Variants in SLC26A7 observed in about 807,000 individuals in gnomAD.
SLC26A7 encodes the protein anion exchange transporter.
In SLC26A7, 59 loss-of-function variants were observed where a neutral mutation model predicts 82.5. The ratio of observed to expected loss-of-function variants is 0.72; its 90% CI spans 0.58 to 0.89. The LOEUF is 0.89. Among genes scored for constraint, SLC26A7 ranks in the 40% least tolerant of loss-of-function variants. SLC26A7 has a pLI of 0.00. For synonymous variants in SLC26A7, 271 were observed against 274.3 expected (o/e 0.99, Z 0.12); for missense variants, 820 against 793.0 (o/e 1.03, Z -0.41).
At chr8:91,358,648 C>T (rs1014683208) in intron 11 of SLC26A7, among the ~76,000 whole-genome samples, 21 of 152,146 alleles carry the variant, frequency 1.4e-4, no homozygotes, top group African/African-American at 1.9e-4. Flanking sequence ...ATGTTTGTTG[C>T]GGCACTACTC....
chr8:91,233,009 G>T lies in SLC26A7; in HGVS notation c.-34+14004G>T, dbSNP rs1303203874. Among the ~76,000 whole-genome samples the T allele has an allele frequency of 2.0e-5, 3 of 152,280 alleles. No homozygotes were observed. In the East Asian group the frequency reaches 5.8e-4, roughly 29 times the overall value. ...CATCAGGAGAATTGAATTATATTGG[G>T]AATACTTCCAAGTTGGTGGAGAATG... On this transcript the variant is annotated intron_variant, in intron 2 of 5. Transcript: ENST00000522862.
intron 9 of SLC26A7, among the ~76,000 whole-genome samples, chr8:91,348,093 C>T (rs1249204701): frequency 6.6e-6 from 1 of 152,232 alleles, no homozygotes; most frequent in Non-Finnish European, 1.5e-5. Context: ...CTGAAAACAA[C>T]AGCTGGCATG....
intron 15 of SLC26A7, among the ~76,000 whole-genome samples, chr8:91,383,233 A>C (rs7004145): frequency 0.014 from 2,065 of 152,290 alleles, 45 homozygotes; most frequent in African/African-American, 0.047. Context: ...AACTGTTTGG[A>C]AGTTGGAGTA....
At chr8:91,336,960 G>A (rs1018521328) in intron 6 of SLC26A7, among the ~76,000 whole-genome samples, 1 of 152,044 alleles carries the variant, frequency 6.6e-6, no homozygotes, top group African/African-American at 2.4e-5. Flanking sequence ...ATTGGCGTAG[G>A]AATTTTTAAG....
At chr8:91,229,745 C>A (rs183039710) in intron 2 of SLC26A7, among the ~76,000 whole-genome samples, 300 of 152,196 alleles carry the variant, frequency 2.0e-3, no homozygotes, top group Non-Finnish European at 3.7e-3. Context: ...GCCACCACCC[C>A]AAAAAATGTT....
intron 9 of SLC26A7, among the ~76,000 whole-genome samples, chr8:91,351,318 A>G (rs563385963): frequency 6.6e-6 from 1 of 152,238 alleles, no homozygotes; most frequent in African/African-American, 2.4e-5. Context: ...CTACTCCACA[A>G]CTTGAGCCTT....
chr8:91,237,948 A>T (rs1810414509), intron 2 of SLC26A7, among the ~76,000 whole-genome samples: 1 of 152,062 alleles, frequency 6.6e-6, no homozygotes, highest in African/African-American at 2.4e-5. Flanking sequence ...TTTAATCATC[A>T]CCTTATTGTG....
intron 9 of SLC26A7, among the ~76,000 whole-genome samples, chr8:91,347,295 C>T (rs1813588671): frequency 6.6e-6 from 1 of 152,174 alleles, no homozygotes. Context: ...TAGGATCATG[C>T]ACTTCAGAGA....
chr8:91,383,889 A>G (rs938270098), intron 15 of SLC26A7, among the ~76,000 whole-genome samples: 12 of 152,324 alleles, frequency 7.9e-5, no homozygotes, highest in African/African-American at 2.6e-4. Flanking sequence ...TTTCTTGTAC[A>G]TATTGAACAT....
At chr8:91,378,363 A>G (rs962401685) in intron 15 of SLC26A7, among the ~76,000 whole-genome samples, 1 of 147,436 alleles carries the variant, frequency 6.8e-6, no homozygotes, top group Non-Finnish European at 1.5e-5. Context: ...TATAATGTAT[A>G]ATTATATATT....
chr8:91,381,968 G>C (rs1335198162), intron 15 of SLC26A7, among the ~76,000 whole-genome samples: 1 of 151,884 alleles, frequency 6.6e-6, no homozygotes, highest in African/African-American at 2.4e-5. Context: ...TTTATCTTAT[G>C]CTATGAGATA....
At chr8:91,302,834 T>G (rs1473983699) in intron 4 of SLC26A7, among the ~76,000 whole-genome samples, 2 of 127,962 alleles carry the variant, frequency 1.6e-5, no homozygotes, top group African/African-American at 5.7e-5. Flanking sequence ...TTTTTTTTTT[T>G]GGTCTGGTTT....
intron 4 of SLC26A7, among the ~76,000 whole-genome samples, chr8:91,295,950 T>TA (rs1812005536): frequency 6.6e-6 from 1 of 152,196 alleles, no homozygotes; most frequent in Non-Finnish European, 1.5e-5. Context: ...ATGAACTTTC[T>TA]AAAAAATGTT....
At chr8:91,282,807 G>A (rs1455722266) in intron 2 of SLC26A7, among the ~76,000 whole-genome samples, 1 of 152,088 alleles carries the variant, frequency 6.6e-6, no homozygotes, top group African/African-American at 2.4e-5. Context: ...ATACCAAATG[G>A]CTTTACATTC....
At chr8:91,238,086 CT>C (rs1010950738) in intron 2 of SLC26A7, among the ~76,000 whole-genome samples, 49 of 152,262 alleles carry the variant, frequency 3.2e-4, no homozygotes, top group African/African-American at 1.1e-3. Flanking sequence ...TATGATGTTG[CT>C]TTTACCACTG....
chr8:91,294,844 T>C (rs938172336), intron 3 of SLC26A7, among the ~76,000 whole-genome samples: 3 of 152,150 alleles, frequency 2.0e-5, no homozygotes, highest in Non-Finnish European at 2.9e-5. Context: ...TAGACAGAAA[T>C]GGTATGTTTA....
intron 4 of SLC26A7, among the ~76,000 whole-genome samples, chr8:91,309,206 C>A (rs1274528284): frequency 6.6e-6 from 1 of 151,726 alleles, no homozygotes; most frequent in East Asian, 1.9e-4. Context: ...CATGCTTGAG[C>A]CCACTGCCCA....
intron 2 of SLC26A7, among the ~76,000 whole-genome samples, chr8:91,254,713 T>C (rs1393852150): frequency 6.6e-6 from 1 of 152,140 alleles, no homozygotes; most frequent in Admixed American, 6.6e-5. Context: ...GAAAGAAAGA[T>C]AAAAGAAACT....
intron 4 of SLC26A7, among the ~76,000 whole-genome samples, chr8:91,302,483 T>C (rs1303301225): frequency 3.3e-5 from 5 of 152,168 alleles, no homozygotes; most frequent in Non-Finnish European, 7.4e-5. Flanking sequence ...ATAAACAAAG[T>C]GCACTTATAC....
Sources: allele counts gnomAD v4.1 joint callset (sites outside exome capture counted in the v4.1 genomes callset), GRCh38; gene constraint gnomAD v4.1.1; transcripts MANE v1.5; gene names NCBI Gene and HGNC (gene_info 2026-07-23, HGNC 2026-07-21).